Variants in NELL1 observed in about 807,000 individuals in gnomAD.
NELL1 encodes the protein protein kinase C-binding protein NELL1.
Under a neutral mutation model 107.4 loss-of-function variants are expected in NELL1, and 76 were observed. The ratio of observed to expected loss-of-function variants is 0.71; its 90% CI spans 0.59 to 0.86. The LOEUF (loss-of-function observed/expected upper bound fraction) is 0.86, where lower values mean the gene tolerates loss of function less well. Among genes scored for constraint, NELL1 ranks in the 40% least tolerant of loss-of-function variants. NELL1 has a pLI of 0.00. For synonymous variants in NELL1, 353 were observed against 341.2 expected, an observed-to-expected ratio of 1.03 and a Z score of -0.38; for missense variants, 1,024 against 1,005.5, an observed-to-expected ratio of 1.02 and a Z score of -0.25.
intron 3 of NELL1, among the ~76,000 whole-genome samples, chr11:20,839,037 C>T (rs1259649011): frequency 7.3e-6 from 1 of 136,320 alleles, no homozygotes; most frequent in African/African-American, 2.7e-5. Context: ...ATTCCTCTCC[C>T]CTTGTCCTGC....
chr11:21,441,244 G>T (rs1289150058), intron 15 of NELL1, among the ~76,000 whole-genome samples: 1 of 151,670 alleles, frequency 6.6e-6, no homozygotes, highest in Non-Finnish European at 1.5e-5. Context: ...TTTTTAAAAA[G>T]TGTCAACCTT....
At chr11:21,260,834 C>G (rs1244279528) in intron 14 of NELL1, 1 of 151,682 alleles carries the variant, frequency 6.6e-6, no homozygotes, top group Non-Finnish European at 1.5e-5. Context: ...AATATGAAGA[C>G]AGCTTTTTAA....
Position 20,963,089 on chromosome 11 carries a change from CTA to C in NELL1, c.1300+2531_1300+2532del, listed in dbSNP as rs1851321392. 1.3e-5 allele frequency among the ~76,000 whole-genome samples: 2 copies of C among 152,088 alleles called. 1 individual carries two copies. The highest frequency in any genetic ancestry group is 4.1e-4 in the South Asian group (2 of 4,822). ...AGCATTTGAACTTTGATCTTTGGGCCTATGTTTCCGTGATTGCATGATGACTT... is the reference window on the plus strand; with the variant it reads ...AGCATTTGAACTTTGATCTTTGGGCCTGTTTCCGTGATTGCATGATGACTT... On this transcript the variant is annotated intron_variant, in intron 12 of 19. Transcript: ENST00000357134.
At chr11:20,708,995 A>G (rs918853057) in intron 2 of NELL1, among the ~76,000 whole-genome samples, 1 of 152,152 alleles carries the variant, frequency 6.6e-6, no homozygotes, top group Non-Finnish European at 1.5e-5. Flanking sequence ...AATAGGGGTC[A>G]TGCTCCTATG....
At chr11:21,045,332 G>A (rs575717159) in intron 12 of NELL1, among the ~76,000 whole-genome samples, 7 of 152,284 alleles carry the variant, frequency 4.6e-5, no homozygotes, top group Non-Finnish European at 8.8e-5. Flanking sequence ...TGGTTTGAGG[G>A]AAGAGAGTGT....
At chr11:20,778,072 G>A (rs1266204229) in intron 2 of NELL1, among the ~76,000 whole-genome samples, 1 of 152,184 alleles carries the variant, frequency 6.6e-6, no homozygotes, top group Non-Finnish European at 1.5e-5. Context: ...TGAGTTCACA[G>A]CCATACGATG....
In NELL1 at chr11:20,669,692, T is replaced by C; in HGVS notation, c.-32T>C. ...CTCATTTGCTTCCACCTAGCTTCGG[T>C]GCCCCCTGCTAGGCGGGGACCCTCG... On this transcript the variant is annotated 5_prime_UTR_variant, in exon 1 of 20. Transcript: ENST00000357134. The surrounding 1 kb of genome is among the most constrained non-coding windows in gnomAD (Gnocchi z 4.4). The C allele has an allele frequency of 6.3e-7, 1 of 1,598,416 alleles. No individual in the cohort carries two copies. Among genetic ancestry groups the C allele is most frequent in the African/African-American group, 1.3e-5 (1 of 74,668 alleles).
chr11:20,869,377 A>G (rs1275452268), intron 4 of NELL1, among the ~76,000 whole-genome samples: 1 of 152,230 alleles, frequency 6.6e-6, no homozygotes, highest in East Asian at 1.9e-4. Context: ...AGCTATTCCA[A>G]ACATCCTCTT....
rs577546637 is a variant in NELL1, at chr11:21,248,563, G to A, written c.1549+19109G>A. 3.9e-5 allele frequency among the ~76,000 whole-genome samples: 6 copies of A among 152,204 alleles called. No homozygotes were observed. The South Asian group carries it at 1.2e-3, about 32-fold the overall frequency. On this transcript the variant is annotated intron_variant, in intron 14 of 19. Transcript: ENST00000357134. Reference sequence around the variant, plus strand: ...AGGTAGAGTCTGGGGAATGATAGCTGTAGAAACTGGATTACAGAGAATTGA... The same window carrying A: ...AGGTAGAGTCTGGGGAATGATAGCTATAGAAACTGGATTACAGAGAATTGA...
intron 3 of NELL1, among the ~76,000 whole-genome samples, chr11:20,845,788 T>C (rs1192945475): frequency 6.6e-6 from 1 of 152,160 alleles, no homozygotes; most frequent in African/African-American, 2.4e-5. Context: ...TCACCCTTTT[T>C]TTGGGGGGGC....
intron 14 of NELL1, among the ~76,000 whole-genome samples, chr11:21,285,781 T>C (rs1350242837): frequency 6.6e-6 from 1 of 152,214 alleles, no homozygotes; most frequent in Non-Finnish European, 1.5e-5. Flanking sequence ...AGAAAGAATG[T>C]GTGTATAAAA....
rs1335174601 is a variant in NELL1 at position 21,309,298 on chromosome 11, ATG to A, written c.1550-61553_1550-61552del. 6.0e-3 allele frequency among the ~76,000 whole-genome samples: 452 copies of A among 75,260 alleles called. 5 individuals carry two copies. The highest frequency in any genetic ancestry group is 9.1e-3 in the Non-Finnish European group (267 of 29,230). The allele number at this position is 75,260 out of a possible 152,430, so 49.4% of individuals were successfully genotyped here. On this transcript the variant is annotated intron_variant, in intron 14 of 19. Coordinates refer to ENST00000357134, the MANE Select transcript of NELL1 (RefSeq NM_006157.5). ...TATATATGTATATATATATATATATATGTATATATATATAATATATATATATA... is the reference window on the plus strand; with the variant it reads ...TATATATGTATATATATATATATATATATATATATATAATATATATATATA...
At chr11:21,082,591 A>G (rs1167224055) in intron 12 of NELL1, among the ~76,000 whole-genome samples, 1 of 152,168 alleles carries the variant, frequency 6.6e-6, no homozygotes, top group Non-Finnish European at 1.5e-5. Context: ...TTTAAACTTC[A>G]AAGTCTTCTC....
intron 1 of NELL1, among the ~76,000 whole-genome samples, chr11:20,672,372 C>A (rs1479590293): frequency 6.6e-6 from 1 of 152,218 alleles, no homozygotes; most frequent in African/African-American, 2.4e-5. Flanking sequence ...GTGAGCTGCT[C>A]AGATATCACC....
At chr11:20,805,073 G>A (rs188195607) in intron 3 of NELL1, among the ~76,000 whole-genome samples, 24 of 152,168 alleles carry the variant, frequency 1.6e-4, no homozygotes, top group Non-Finnish European at 4.4e-5. Flanking sequence ...TATTTTATCT[G>A]ATATAACTAT....
intron 12 of NELL1, among the ~76,000 whole-genome samples, chr11:20,965,988 C>T (rs1851380372): frequency 6.6e-6 from 1 of 152,124 alleles, no homozygotes; most frequent in African/African-American, 2.4e-5. Flanking sequence ...ACTTCTTTTA[C>T]ATTTAAATAT....
intron 12 of NELL1, among the ~76,000 whole-genome samples, chr11:21,095,025 G>T (rs754290114): frequency 7.2e-5 from 11 of 152,078 alleles, no homozygotes; most frequent in Non-Finnish European, 1.3e-4. Flanking sequence ...TTTATGCTCT[G>T]CTTCCCTTAT....
intron 10 of NELL1, 42 bp downstream of exon 10, chr11:20,937,901 A>G: frequency 6.3e-7 from 1 of 1,575,280 alleles, no homozygotes; most frequent in Non-Finnish European, 8.7e-7. Flanking sequence ...CTGGAAAATG[A>G]ATAGATAGAT....
At chr11:20,944,767 T>A (rs1478324796) in intron 10 of NELL1, among the ~76,000 whole-genome samples, 1 of 152,232 alleles carries the variant, frequency 6.6e-6, no homozygotes, top group Non-Finnish European at 1.5e-5. Flanking sequence ...GTTCATATTA[T>A]TTTTCAAATT....
Sources: gnomAD v4.1 joint callset for allele counts (sites outside exome capture counted in the v4.1 genomes callset) on GRCh38, gnomAD v4.1.1 for gene constraint, Gnocchi (gnomAD v3.1) non-coding constraint, MANE v1.5 for transcripts, NCBI Gene and HGNC (gene_info 2026-07-23, HGNC 2026-07-21) for gene names.